CCDC91: variants seen among roughly 807,000 people sequenced by gnomAD.
The protein encoded by CCDC91 is coiled-coil domain-containing protein 91.
In CCDC91, 48 loss-of-function variants were observed where a neutral mutation model predicts 63.2. That is an observed-to-expected ratio of 0.76 (90% CI 0.60 to 0.97). The LOEUF (loss-of-function observed/expected upper bound fraction) is 0.97, where lower values mean the gene tolerates loss of function less well. Ranked by LOEUF, CCDC91 falls within the 50% of genes least tolerant of loss-of-function variation. The pLI is 0.00. For missense variants in CCDC91, 500 were observed against 494.6 expected (o/e 1.01, Z -0.10); for synonymous variants, 167 against 165.8 (o/e 1.01, Z -0.06).
chr12:28,441,749 C>CAT (rs902653052), intron 8 of CCDC91, among the ~76,000 whole-genome samples: 34 of 148,828 alleles, frequency 2.3e-4, no homozygotes, highest in Non-Finnish European at 1.6e-4. Context: ...ATATATATCT[C>CAT]ATATATATAT....
intron 1 of CCDC91, among the ~76,000 whole-genome samples, chr12:28,208,276 CAAAG>C (rs58742442): frequency 0.26 from 39,552 of 151,874 alleles, 5,382 homozygotes; most frequent in Non-Finnish European, 0.31. Context: ...ACACAATTGA[CAAAG>C]AAATTTGGTT....
At chr12:28,455,495 AT>A (rs1217424960) in intron 11 of CCDC91, among the ~76,000 whole-genome samples, 3 of 152,174 alleles carry the variant, frequency 2.0e-5, no homozygotes, top group Non-Finnish European at 2.9e-5. Flanking sequence ...TTTATAATTA[AT>A]GTCCTTGTTA....
intron 1 of CCDC91, among the ~76,000 whole-genome samples, chr12:28,200,882 G>A (rs574852818): frequency 3.8e-4 from 58 of 151,378 alleles, no homozygotes; most frequent in Admixed American, 3.1e-3. Context: ...CTCCCAGACA[G>A]GGCGGCTGGC....
At chr12:28,448,986 T>G (rs557811876) in intron 8 of CCDC91, among the ~76,000 whole-genome samples, 2 of 152,232 alleles carry the variant, frequency 1.3e-5, no homozygotes, top group African/African-American at 4.8e-5. Flanking sequence ...GTCTACTCAT[T>G]TGTTAATTAG....
intron 12 of CCDC91, among the ~76,000 whole-genome samples, chr12:28,527,994 C>G (rs1379747054): frequency 6.6e-6 from 1 of 152,156 alleles, no homozygotes; most frequent in African/African-American, 2.4e-5. Context: ...AGTGAGTGAG[C>G]AGGGCTAAGA....
intron 11 of CCDC91, among the ~76,000 whole-genome samples, chr12:28,465,453 G>T (rs1287038856): frequency 1.3e-5 from 2 of 152,176 alleles, no homozygotes; most frequent in African/African-American, 4.8e-5. Context: ...GGTGGCCCCA[G>T]CTCTAGTTGG....
chr12:28,273,669 C>G (rs562951153), intron 3 of CCDC91, among the ~76,000 whole-genome samples: 2 of 152,016 alleles, frequency 1.3e-5, no homozygotes, highest in Non-Finnish European at 2.9e-5. Context: ...TATCCTTCGC[C>G]CACTTTTTGA....
At chr12:28,505,219 G>C (rs1299762654) in intron 12 of CCDC91, among the ~76,000 whole-genome samples, 1 of 151,762 alleles carries the variant, frequency 6.6e-6, no homozygotes, top group Non-Finnish European at 1.5e-5. Context: ...CTAATGGAAC[G>C]CTGAATTTTG....
At chr12:28,501,345 G>T (rs1347584693) in intron 12 of CCDC91, among the ~76,000 whole-genome samples, 1 of 151,764 alleles carries the variant, frequency 6.6e-6, no homozygotes, top group African/African-American at 2.4e-5. Context: ...CTGTGGGTTT[G>T]TCATAGATAG....
chr12:28,310,611 G>C (rs1327090346), intron 6 of CCDC91, among the ~76,000 whole-genome samples: 1 of 151,976 alleles, frequency 6.6e-6, no homozygotes, highest in Non-Finnish European at 1.5e-5. Context: ...GTACCAGGAG[G>C]TCTCATAGCC....
chr12:28,520,046 T>A (rs1940444910), intron 12 of CCDC91, among the ~76,000 whole-genome samples: 1 of 152,172 alleles, frequency 6.6e-6, no homozygotes, highest in Non-Finnish European at 1.5e-5. Flanking sequence ...TGTGCATGTG[T>A]CTTTATAGCA....
intron 7 of CCDC91, among the ~76,000 whole-genome samples, chr12:28,388,571 CA>C (rs1945746975): frequency 1.3e-5 from 2 of 152,114 alleles, no homozygotes; most frequent in Admixed American, 1.3e-4. Flanking sequence ...AAGACTTCTA[CA>C]AGGAAAACTA....
intron 12 of CCDC91, among the ~76,000 whole-genome samples, chr12:28,496,526 A>G (rs920286623): frequency 6.6e-6 from 1 of 151,640 alleles, no homozygotes; most frequent in African/African-American, 2.4e-5. Context: ...AGAAAACATT[A>G]CAAATGGCCA....
At chr12:28,331,121 TA>T (rs1452158507) in intron 6 of CCDC91, among the ~76,000 whole-genome samples, 1 of 152,206 alleles carries the variant, frequency 6.6e-6, no homozygotes, top group African/African-American at 2.4e-5. Context: ...CTAAATGTAT[TA>T]AAAAGATTAG....
At chr12:28,283,505 G>T (rs1948730385) in intron 3 of CCDC91, among the ~76,000 whole-genome samples, 2 of 151,714 alleles carry the variant, frequency 1.3e-5, no homozygotes, top group South Asian at 4.2e-4. Context: ...TTGATTCTTA[G>T]CTTGGTCATT....
chr12:28,211,425 C>T (rs1943225220), intron 1 of CCDC91, among the ~76,000 whole-genome samples: 1 of 152,132 alleles, frequency 6.6e-6, no homozygotes, highest in African/African-American at 2.4e-5. Context: ...GTCTGCCTAG[C>T]ACCCAATATC....
chr12:28,379,309 A>G (rs1565884371), intron 7 of CCDC91, among the ~76,000 whole-genome samples: 1 of 152,062 alleles, frequency 6.6e-6, no homozygotes. Context: ...ATGGGATCTA[A>G]TTAAACTAAA....
intron 6 of CCDC91, among the ~76,000 whole-genome samples, chr12:28,342,686 T>C (rs2138022521): frequency 6.6e-6 from 1 of 152,196 alleles, no homozygotes; most frequent in Admixed American, 6.5e-5. Flanking sequence ...TGAGGGAATA[T>C]AGGATCTAGT....
chr12:28,200,008 C>T lies in CCDC91; in HGVS notation c.-15+9367C>T, dbSNP rs139588586. ...TCAAATTAGAGAAGTTTCCTTGTAT[C>T]GTTTCTTCAAATATTCTTTCTGTTC... On this transcript the variant is annotated intron_variant, in intron 1 of 12. Coordinates refer to ENST00000536442, the MANE Select transcript of CCDC91 (RefSeq NM_018318.5). Among the ~76,000 whole-genome samples the T allele has an allele frequency of 1.4e-3, 213 of 152,132 alleles. 1 individual carries two copies. Among genetic ancestry groups the T allele is most frequent in the Non-Finnish European group, 2.5e-3 (173 of 67,994 alleles).
Sources: gnomAD v4.1 joint callset for allele counts (sites outside exome capture counted in the v4.1 genomes callset) on GRCh38, gnomAD v4.1.1 for gene constraint, MANE v1.5 for transcripts, NCBI Gene and HGNC (gene_info 2026-07-23, HGNC 2026-07-21) for gene names.